The following RNF141 variants were observed in gnomAD, a reference collection of about 807,000 sequenced individuals.
The protein encoded by RNF141 is C3HC4-like zinc finger protein.
Under a neutral mutation model 27.4 loss-of-function variants are expected in RNF141, and 18 were observed. The observed-to-expected ratio is 0.66, with a 90% CI of 0.45 to 0.97. The LOEUF is 0.97. Among genes scored for constraint, RNF141 ranks in the 50% least tolerant of loss-of-function variants. The pLI is 0.00. For synonymous variants in RNF141, 97 were observed against 96.6 expected, an observed-to-expected ratio of 1.00 and a Z score of -0.02; for missense variants, 230 against 279.4, an observed-to-expected ratio of 0.82 and a Z score of 1.26.
intron 1 of RNF141, among the ~76,000 whole-genome samples, chr11:10,536,213 G>A (rs919441519): frequency 6.6e-6 from 1 of 152,064 alleles, no homozygotes; most frequent in Admixed American, 6.6e-5. Context: ...AATGGTCAGA[G>A]TTAGGGATTA....
chr11:10,538,338 C>A (rs1390852789), intron 1 of RNF141, among the ~76,000 whole-genome samples: 1 of 152,140 alleles, frequency 6.6e-6, no homozygotes, highest in Non-Finnish European at 1.5e-5. Context: ...ATTTTGAAAA[C>A]CATAAAATAT....
At chr11:10,522,355 G>T (rs942751421) in intron 4 of RNF141, among the ~76,000 whole-genome samples, 6 of 152,334 alleles carry the variant, frequency 3.9e-5, no homozygotes, top group African/African-American at 1.4e-4. Context: ...GGGAGATACA[G>T]AAATAGCCAG....
intron 4 of RNF141, among the ~76,000 whole-genome samples, chr11:10,524,193 A>G (rs1235700077): frequency 6.6e-6 from 1 of 152,152 alleles, no homozygotes; most frequent in Non-Finnish European, 1.5e-5. Flanking sequence ...GGAGGGCAGG[A>G]TCATGAGGTT....
chr11:10,530,668 A>G lies in RNF141; in HGVS notation c.227T>C (p.Val76Ala). Reference sequence around the variant, plus strand: ...CTTGGTACAGACCACCCGTACAACCACTTTCCAAAAAGCAGAGGAATCAGA... The same window carrying G: ...CTTGGTACAGACCACCCGTACAACCGCTTTCCAAAAAGCAGAGGAATCAGA... ...PGSDSSAFWK[V>A]VVRVVCTKIN... The change falls in exon 3 of 6, where the codon GTG becomes GCG. Residue 76 changes from valine (V) to alanine (A), a missense_variant. Coordinates refer to ENST00000265981, the MANE Select transcript of RNF141 (RefSeq NM_016422.4). 6.2e-7 allele frequency: 1 copy of G among 1,610,732 alleles called. No homozygotes were observed. The highest frequency in any genetic ancestry group is 8.5e-7 in the Non-Finnish European group (1 of 1,177,870).
intron 2 of RNF141, among the ~76,000 whole-genome samples, chr11:10,533,776 C>T (rs1016705295): frequency 6.6e-6 from 1 of 152,084 alleles, no homozygotes; most frequent in African/African-American, 2.4e-5. Flanking sequence ...TTCAATATGC[C>T]TGTGCTGTGT....
intron 3 of RNF141, among the ~76,000 whole-genome samples, chr11:10,528,957 A>G (rs181938919): frequency 2.6e-5 from 4 of 152,348 alleles, no homozygotes; most frequent in African/African-American, 9.6e-5. Flanking sequence ...GGAAGAGACA[A>G]GAGAACTCCT....
intron 4 of RNF141, among the ~76,000 whole-genome samples, chr11:10,521,502 T>C (rs1849887426): frequency 1.3e-5 from 2 of 152,362 alleles, no homozygotes; most frequent in South Asian, 4.1e-4. Flanking sequence ...CACTAGACTA[T>C]AAACTTCTTA....
intron 1 of RNF141, among the ~76,000 whole-genome samples, chr11:10,535,258 C>G (rs1005108250): frequency 6.6e-6 from 1 of 150,760 alleles, no homozygotes; most frequent in African/African-American, 2.4e-5. Flanking sequence ...TTAGTAACCC[C>G]AAAATATGTA....
At chr11:10,538,456 T>G (rs1028955960) in intron 1 of RNF141, among the ~76,000 whole-genome samples, 1 of 152,166 alleles carries the variant, frequency 6.6e-6, no homozygotes, top group Non-Finnish European at 1.5e-5. Context: ...ACGAAAACAA[T>G]CTGTTGAGGC....
At chr11:10,522,604 T>C (rs1268645632) in intron 4 of RNF141, among the ~76,000 whole-genome samples, 3 of 152,208 alleles carry the variant, frequency 2.0e-5, no homozygotes, top group Non-Finnish European at 4.4e-5. Flanking sequence ...GGGGTGTTTA[T>C]CCTTGAGAAC....
intron 1 of RNF141, among the ~76,000 whole-genome samples, chr11:10,539,970 T>C (rs1850079462): frequency 6.6e-6 from 1 of 152,008 alleles, no homozygotes; most frequent in African/African-American, 2.4e-5. Flanking sequence ...TTTTGAAACA[T>C]ATAGTCATAT....
chr11:10,518,820 T>C (rs1849862931), intron 5 of RNF141: 1 of 417,936 alleles, frequency 2.4e-6, no homozygotes, highest in African/African-American at 2.1e-5. Flanking sequence ...AAAAGAAAAG[T>C]GTCAAAACTA....
intron 1 of RNF141, among the ~76,000 whole-genome samples, chr11:10,537,194 T>C (rs929304423): frequency 5.3e-5 from 8 of 152,194 alleles, no homozygotes; most frequent in Non-Finnish European, 4.4e-5. Context: ...GGCTGCTACA[T>C]GTGAGCTCCC....
rs1450171100 is a variant in RNF141, at chr11:10,513,624, T to C, written c.*1292A>G. The C allele has an allele frequency of 6.6e-6, 1 of 152,140 alleles. No homozygotes were observed. 9.4% of individuals were successfully genotyped at this position (152,140 alleles called of 1,614,324 possible). A position where few individuals can be genotyped will look rare whatever the true frequency, so the allele number is the denominator to read the frequency against. On this transcript the variant is annotated 3_prime_UTR_variant, in exon 6 of 6. Transcript: ENST00000265981. Reference sequence around the variant, plus strand: ...GTGAAACAGTAGGAATGCCAAATTATCTTCTAATTTTCATAAGTATTTTAT... The same window carrying C: ...GTGAAACAGTAGGAATGCCAAATTACCTTCTAATTTTCATAAGTATTTTAT...
chr11:10,515,148 G>T, intron 5 of RNF141, 82 bp from the exon 6 acceptor site: 2 of 1,410,206 alleles, frequency 1.4e-6, no homozygotes, highest in Non-Finnish European at 1.9e-6. Context: ...CATGCACATG[G>T]CTTTTAAAAA....
At chr11:10,515,415 C>T (rs778779402) in intron 5 of RNF141, 3 of 175,128 alleles carry the variant, frequency 1.7e-5, no homozygotes, top group East Asian at 1.5e-4. Flanking sequence ...TACACTGTAT[C>T]GCTATGCCAT....
chr11:10,516,625 A>G (rs574766510), intron 5 of RNF141: 1 of 152,376 alleles, frequency 6.6e-6, no homozygotes, highest in Admixed American at 6.5e-5. Flanking sequence ...CAGTGTGTGC[A>G]TGTGAAGACA....
intron 5 of RNF141, 58 bp from the exon 6 acceptor site, chr11:10,515,124 T>C (rs1387838862): frequency 6.5e-7 from 1 of 1,539,060 alleles, no homozygotes. Flanking sequence ...AACAGGATTT[T>C]ATTTAAAGTA....
chr11:10,525,164 T>A, intron 4 of RNF141, 28 bp downstream of exon 4: 1 of 1,459,488 alleles, frequency 6.9e-7, no homozygotes, highest in Non-Finnish European at 9.2e-7. Context: ...AGAAAATAAG[T>A]GAAATACAAT....
Sources: gnomAD v4.1 joint callset for allele counts (sites outside exome capture counted in the v4.1 genomes callset) on GRCh38, gnomAD v4.1.1 for gene constraint, MANE v1.5 for transcripts, NCBI Gene and HGNC (gene_info 2026-07-23, HGNC 2026-07-21) for gene names.